VEGFD: variants seen among roughly 807,000 people sequenced by gnomAD.
VEGFD encodes the protein c-fos induced growth factor (vascular endothelial growth factor D).
In VEGFD, 26 loss-of-function variants were observed where a neutral mutation model predicts 28.0. The observed-to-expected ratio is 0.93, with a 90% CI of 0.68 to 1.29. VEGFD has a LOEUF of 1.29. Ranked by LOEUF, VEGFD falls within the 50% of genes most tolerant of loss-of-function variation. VEGFD has a pLI of 0.00. For synonymous variants in VEGFD, 93 were observed against 95.5 expected, an observed-to-expected ratio of 0.97 and a Z score of 0.15; for missense variants, 294 against 273.4, an observed-to-expected ratio of 1.08 and a Z score of -0.53.
rs776088037 is a variant in VEGFD, at chrX:15,358,014, T to C, written c.481A>G (p.Ile161Val). The change falls in exon 3 of 7, where the codon ATT (isoleucine) becomes GTT (valine). Residue 161 changes from isoleucine (I) to valine (V), a missense_variant. Coordinates refer to ENST00000297904, the MANE Select transcript of VEGFD (RefSeq NM_004469.5). ...CGATGTCCTTATACCTGTTTGGAAATGTACGAGGTGCTGGTGTTCATACAG... is the reference window on the plus strand; with the variant it reads ...CGATGTCCTTATACCTGTTTGGAAACGTACGAGGTGCTGGTGTTCATACAG... Reference protein sequence around the residue: ...LICMNTSTSYISKQLFEISVP... With the variant: ...LICMNTSTSYVSKQLFEISVP... 3 of 1,210,258 alleles carry C rather than the reference T, an allele frequency of 2.5e-6. No individual in the cohort carries two copies. In the South Asian group the frequency reaches 5.3e-5, roughly 21 times the overall value.
intron 5 of VEGFD, among the ~76,000 whole-genome samples, chrX:15,351,851 A>G (rs1333041565): frequency 1.8e-5 from 2 of 112,703 alleles, no homozygotes; most frequent in Non-Finnish European, 3.7e-5. Context: ...GATAAATTTC[A>G]CTTGTTTCTT....
At chrX:15,379,738 T>C (rs1295365023) in intron 1 of VEGFD, among the ~76,000 whole-genome samples, 1 of 112,201 alleles carries the variant, frequency 8.9e-6, no homozygotes, top group East Asian at 2.8e-4. Context: ...CTCTATCCAA[T>C]TGTGGTAATA....
In VEGFD at chrX:15,379,848, G is replaced by A. The variant is rs146658478; in HGVS notation, c.90+4009C>T. 6.9e-4 allele frequency among the ~76,000 whole-genome samples: 77 copies of A among 111,523 alleles called. No individual in the cohort carries two copies. In the East Asian group the frequency reaches 0.018, roughly 27 times the overall value. The stretch of plus-strand genomic sequence containing the variant: ...ATTCTCATTCCAGAAATTGTCTCTG[G>A]GATTTATAGTAAAGGTTTATCCACA... On this transcript the variant is annotated intron_variant, in intron 1 of 6. Transcript: ENST00000297904.
At chrX:15,363,674 T>C (rs1923074309) in intron 1 of VEGFD, among the ~76,000 whole-genome samples, 1 of 112,267 alleles carries the variant, frequency 8.9e-6, no homozygotes, top group South Asian at 3.7e-4. Flanking sequence ...GTAATGAAGT[T>C]AAGGATCTTA....
At chrX:15,346,483 C>T (rs956109948) in intron 6 of VEGFD, among the ~76,000 whole-genome samples, 1 of 111,571 alleles carries the variant, frequency 9.0e-6, no homozygotes, top group Non-Finnish European at 1.9e-5. Flanking sequence ...CAATGATATT[C>T]CCTCCATTAA....
At chrX:15,363,418 G>GT in intron 1 of VEGFD, 99 bp from the exon 2 acceptor site, 1 of 667,334 alleles carries the variant, frequency 1.5e-6, no homozygotes, top group Non-Finnish European at 2.2e-6. Flanking sequence ...AAATACATCT[G>GT]TAATTAGAGA....
intron 1 of VEGFD, among the ~76,000 whole-genome samples, chrX:15,367,709 A>G (rs1923179330): frequency 9.0e-6 from 1 of 110,629 alleles, no homozygotes; most frequent in Non-Finnish European, 1.9e-5. Context: ...TAATCCCAGC[A>G]CTTTGGGAAG....
intron 1 of VEGFD, among the ~76,000 whole-genome samples, chrX:15,371,523 C>T (rs1341068065): frequency 1.8e-5 from 2 of 111,803 alleles, no homozygotes; most frequent in East Asian, 5.6e-4. Context: ...CCTGATAACA[C>T]TTGATTTGCC....
intron 1 of VEGFD, among the ~76,000 whole-genome samples, chrX:15,366,434 T>C (rs1216860090): frequency 8.9e-6 from 1 of 112,685 alleles, no homozygotes; most frequent in Non-Finnish European, 1.9e-5. Flanking sequence ...ATACTGATTA[T>C]TCATTTTGTT....
At chrX:15,371,699 G>C (rs1264438780) in intron 1 of VEGFD, among the ~76,000 whole-genome samples, 6 of 112,026 alleles carry the variant, frequency 5.4e-5, no homozygotes, top group African/African-American at 1.9e-4. Flanking sequence ...TATTACAGGA[G>C]GGAAAAGTAA....
intron 5 of VEGFD, among the ~76,000 whole-genome samples, chrX:15,349,534 G>T (rs367742231): frequency 1.8e-5 from 2 of 112,173 alleles, no homozygotes; most frequent in African/African-American, 6.5e-5. Flanking sequence ...TAAACTGATA[G>T]AATTTTTTCA....
At chrX:15,352,076 C>T (rs769131326) in intron 5 of VEGFD, among the ~76,000 whole-genome samples, 10 of 111,815 alleles carry the variant, frequency 8.9e-5, no homozygotes, top group Non-Finnish European at 1.7e-4. Flanking sequence ...GTGTAAAGAA[C>T]ATTCAAGATC....
In VEGFD at chrX:15,368,936, G is replaced by A. The variant is rs754512079; in HGVS notation, c.91-5617C>T. On this transcript the variant is annotated intron_variant, in intron 1 of 6. Coordinates refer to ENST00000297904, the MANE Select transcript of VEGFD (RefSeq NM_004469.5). The stretch of plus-strand genomic sequence containing the variant: ...CTAATTTCTTGGCTACCACAAGCCA[G>A]CTTCTAAATTGGGAGGCTTAAAGTC... Among the ~76,000 whole-genome samples the A allele has an allele frequency of 1.6e-3, 180 of 111,994 alleles. 1 individual carries two copies. The highest frequency in any genetic ancestry group is 5.7e-3 in the African/African-American group (175 of 30,809).
intron 1 of VEGFD, among the ~76,000 whole-genome samples, chrX:15,366,495 G>A (rs1201033651): frequency 1.8e-5 from 2 of 111,630 alleles, no homozygotes; most frequent in Non-Finnish European, 3.8e-5. Flanking sequence ...ATTTTGGTTA[G>A]TAGTTCCATT....
chrX:15,365,746 C>T (rs1017370343), intron 1 of VEGFD, among the ~76,000 whole-genome samples: 3 of 111,450 alleles, frequency 2.7e-5, no homozygotes, highest in Non-Finnish European at 5.7e-5. Flanking sequence ...ATGTTGGAGG[C>T]TTTTAATCAT....
chrX:15,349,540 T>A (rs1922636307), intron 5 of VEGFD, among the ~76,000 whole-genome samples: 1 of 112,438 alleles, frequency 8.9e-6, no homozygotes, highest in Admixed American at 9.4e-5. Context: ...GATAGAATTT[T>A]TTCAAAATAA....
chrX:15,350,717 T>C lies in VEGFD; in HGVS notation c.742+2351A>G, dbSNP rs867489349. Among the ~76,000 whole-genome samples the C allele has an allele frequency of 9.0e-5, 7 of 78,054 alleles. 1 individual carries two copies. Among genetic ancestry groups the C allele is most frequent in the South Asian group, 7.7e-4 (1 of 1,301 alleles). The allele number at this position is 78,054 out of a possible 115,157, so 67.8% of individuals were successfully genotyped here. ...CCCTTCCCACAGTAACTTACTTTCT[T>C]TCTCTTTCTTTCTTTCTATCCTTCC... On this transcript the variant is annotated intron_variant, in intron 5 of 6. Transcript: ENST00000297904.
At chrX:15,366,022 T>C (rs2147744548) in intron 1 of VEGFD, among the ~76,000 whole-genome samples, 1 of 112,010 alleles carries the variant, frequency 8.9e-6, no homozygotes, top group South Asian at 3.7e-4. Flanking sequence ...GTTTGTTTGT[T>C]TTGAGACCCA....
At chrX:15,355,893 C>T (rs1922856056) in intron 3 of VEGFD, among the ~76,000 whole-genome samples, 2 of 112,064 alleles carry the variant, frequency 1.8e-5, no homozygotes, top group African/African-American at 6.5e-5. Context: ...AGCTTAGAGT[C>T]AAGCCCAGCT....
Sources: gnomAD v4.1 joint callset for allele counts (sites outside exome capture counted in the v4.1 genomes callset) on GRCh38, gnomAD v4.1.1 for gene constraint, MANE v1.5 for transcripts, NCBI Gene and HGNC (gene_info 2026-07-23, HGNC 2026-07-21) for gene names.